USP15: variants seen among roughly 807,000 people sequenced by gnomAD.
The protein encoded by USP15 is ubiquitin specific peptidase 15.
USP15 carries 18 observed loss-of-function variants against 127.1 expected under a neutral mutation model. The ratio of observed to expected loss-of-function variants is 0.14; its 90% CI spans 0.10 to 0.21. The LOEUF is 0.21. USP15 is among the 10% of genes least tolerant of loss of function. The probability of loss-of-function intolerance (pLI) is 1.00; values close to 1 mark genes in which losing one functional copy is unlikely to be tolerated. For synonymous variants in USP15, 364 were observed against 393.7 expected (o/e 0.92, Z 0.89); for missense variants, 805 against 1,159.9 (o/e 0.69, Z 4.44).
intron 1 of USP15, among the ~76,000 whole-genome samples, chr12:62,281,286 T>C (rs1002522291): frequency 1.7e-4 from 26 of 152,200 alleles, no homozygotes; most frequent in Non-Finnish European, 2.9e-5. Flanking sequence ...CTTTCTAATA[T>C]ATACCTAACA....
At chr12:62,308,297 G>A (rs1255441287) in intron 3 of USP15, among the ~76,000 whole-genome samples, 2 of 151,966 alleles carry the variant, frequency 1.3e-5, no homozygotes, top group African/African-American at 2.4e-5. Flanking sequence ...GGGGCCAGGG[G>A]GTAGACTGTG....
At position 62,314,783 on chromosome 12, in the gene USP15, AT is replaced by A; in HGVS notation, c.349-3del. 6.4e-7 allele frequency: 1 copy of A among 1,552,000 alleles called. No individual in the cohort carries two copies. The highest frequency in any genetic ancestry group is 8.7e-7 in the Non-Finnish European group (1 of 1,148,488). On this transcript the variant is annotated splice_region_variant and splice_polypyrimidine_tract_variant and intron_variant, in intron 3 of 21. Coordinates refer to ENST00000280377, the MANE Select transcript of USP15 (RefSeq NM_001252078.2). ...TGACACTGATTTGTTTTGTTTCATT[AT>A]TTTAGGTGGTTGAACAGGGTATGTT... is the stretch of plus-strand genomic sequence containing the variant.
rs77629580 is a variant in USP15, at chr12:62,379,708, G to C, written c.916-1782G>C. ...CAAATATAAGAAGCGGAAAACTATT[G>C]ATAATTGTTGGAAATTCCTATCTGA... On this transcript the variant is annotated intron_variant, in intron 8 of 21. Transcript: ENST00000280377. Among the ~76,000 whole-genome samples, 1,059 of 152,136 alleles carry C rather than the reference G, an allele frequency of 7.0e-3. 9 individuals are homozygous for C. The highest frequency in any genetic ancestry group is 0.023 in the African/African-American group (965 of 41,540).
In USP15 at chr12:62,383,963, A is replaced by G. The variant is rs1464055763; in HGVS notation, c.1213A>G (p.Ile405Val). The change falls in exon 10 of 22, where the codon ATA becomes GTA. Residue 405 changes from isoleucine to valine, a missense_variant. Around this residue, in one of 11 missense-constraint regions of USP15, gnomAD observed 84 missense variants for 210.3 expected, o/e 0.40. Transcript: ENST00000280377. ...DLNRIRKKPY[I>V]QLKDADGRPD... ...GAATAGAATTAGGAAAAAACCATAT[A>G]TACAATTAAAAGATGCAGATGGAAG... 3 of 1,612,710 alleles carry G rather than the reference A, an allele frequency of 1.9e-6. No homozygotes were observed. The East Asian group carries it at 6.7e-5, about 36-fold the overall frequency.
intron 1 of USP15, 61 bp from the exon 2 acceptor site, chr12:62,294,118 G>A (rs2064058114): frequency 1.1e-5 from 17 of 1,537,682 alleles, no homozygotes; most frequent in Non-Finnish European, 1.4e-5. Context: ...AAAATAGATG[G>A]CTGTTCTACT....
At chr12:62,360,648 A>G (rs936796847) in intron 8 of USP15, among the ~76,000 whole-genome samples, 1 of 152,078 alleles carries the variant, frequency 6.6e-6, no homozygotes, top group Non-Finnish European at 1.5e-5. Context: ...TATTTAAATT[A>G]CCAACCTTAT....
At chr12:62,396,732 T>A (rs556201948) in intron 20 of USP15, among the ~76,000 whole-genome samples, 2 of 152,168 alleles carry the variant, frequency 1.3e-5, no homozygotes, top group Non-Finnish European at 2.9e-5. Flanking sequence ...TTCATTTATA[T>A]AATTGGTACT....
intron 17 of USP15, 56 bp downstream of exon 17, chr12:62,391,942 C>T: frequency 2.8e-6 from 4 of 1,419,584 alleles, no homozygotes; most frequent in Non-Finnish European, 3.9e-6. Context: ...TATGTGATTA[C>T]CAGAGATAAT....
intron 8 of USP15, among the ~76,000 whole-genome samples, chr12:62,370,100 G>A (rs973750135): frequency 2.0e-5 from 3 of 152,028 alleles, no homozygotes; most frequent in Non-Finnish European, 4.4e-5. Context: ...TTAGCCTCCC[G>A]AGTAGCTGGG....
chr12:62,289,826 A>G (rs764974879), intron 1 of USP15, among the ~76,000 whole-genome samples: 2 of 151,578 alleles, frequency 1.3e-5, no homozygotes, highest in Non-Finnish European at 2.9e-5. Context: ...TCATTCATTT[A>G]AACATTTTTT....
In USP15 at chr12:62,325,965, A is replaced by T. The variant is rs191488384; in HGVS notation, c.683+32A>T. 5.4e-4 allele frequency: 857 copies of T among 1,578,616 alleles called. 8 individuals are homozygous for T. The East Asian group carries it at 0.017, about 31-fold the overall frequency. On this transcript the variant is annotated intron_variant, in intron 6 of 21. Transcript: ENST00000280377. Reference sequence around the variant, plus strand: ...GCTCCCACTTCTTATGGCTTATTGTATGATTTTGAAGCCCTTGATGCTAGA... The same window carrying T: ...GCTCCCACTTCTTATGGCTTATTGTTTGATTTTGAAGCCCTTGATGCTAGA...
At chr12:62,342,457 A>G (rs942713941) in intron 6 of USP15, among the ~76,000 whole-genome samples, 3 of 151,948 alleles carry the variant, frequency 2.0e-5, no homozygotes, top group Non-Finnish European at 4.4e-5. Context: ...CTTGCTGGAG[A>G]GGAGTTGTGA....
chr12:62,315,023 T>A, intron 4 of USP15, 107 bp downstream of exon 4: 1 of 1,098,304 alleles, frequency 9.1e-7, no homozygotes, highest in Non-Finnish European at 1.2e-6. Context: ...GATTTATATA[T>A]AGACATTTGA....
At chr12:62,321,333 A>G (rs1483731086) in intron 4 of USP15, 131 bp from the exon 5 acceptor site, 1 of 556,504 alleles carries the variant, frequency 1.8e-6, no homozygotes, top group Non-Finnish European at 2.8e-6. Flanking sequence ...TGTGTTTTAT[A>G]GATTTATTAC....
intron 8 of USP15, among the ~76,000 whole-genome samples, chr12:62,376,540 T>C (rs2066834480): frequency 6.6e-6 from 1 of 152,158 alleles, no homozygotes; most frequent in Non-Finnish European, 1.5e-5. Flanking sequence ...TGTCAGGCAG[T>C]TGAACTCCAA....
chr12:62,321,994 A>C (rs987308715), intron 5 of USP15, among the ~76,000 whole-genome samples: 1 of 152,232 alleles, frequency 6.6e-6, no homozygotes, highest in Non-Finnish European at 1.5e-5. Flanking sequence ...GTAGTACACA[A>C]AAACAAGCAT....
At chr12:62,374,246 T>G (rs939338104) in intron 8 of USP15, 14 of 271,418 alleles carry the variant, frequency 5.2e-5, no homozygotes, top group Non-Finnish European at 7.3e-5. Context: ...TGGGCTTTTA[T>G]TTTTAGTACT....
chr12:62,349,379 C>A, intron 7 of USP15, 72 bp downstream of exon 7: 1 of 1,023,732 alleles, frequency 9.8e-7, no homozygotes, highest in Non-Finnish European at 1.3e-6. Flanking sequence ...TCTCTTGTAT[C>A]TAAAATTTAG....
chr12:62,325,248 CT>C (rs1398539744), intron 5 of USP15, among the ~76,000 whole-genome samples: 1 of 151,944 alleles, frequency 6.6e-6, no homozygotes, highest in Non-Finnish European at 1.5e-5. Flanking sequence ...TGATTTCTGT[CT>C]GCCTCATCCA....
Sources: allele counts gnomAD v4.1 joint callset (sites outside exome capture counted in the v4.1 genomes callset), GRCh38; gene constraint gnomAD v4.1.1; regional missense constraint gnomAD v4.1.1; transcripts MANE v1.5; gene names NCBI Gene and HGNC (gene_info 2026-07-23, HGNC 2026-07-21).